The following RAB11FIP4 variants were observed in gnomAD, a reference collection of about 807,000 sequenced individuals.
The protein encoded by RAB11FIP4 is RAB11 family interacting protein 4, also known as rab11 family-interacting protein 4.
Under a neutral mutation model 74.3 loss-of-function variants are expected in RAB11FIP4, and 23 were observed. The ratio of observed to expected loss-of-function variants is 0.31; its 90% confidence interval spans 0.22 to 0.44. RAB11FIP4 has a LOEUF of 0.44. Among genes scored for constraint, RAB11FIP4 ranks in the 20% least tolerant of loss-of-function variants. RAB11FIP4 has a pLI of 1.00. For synonymous variants in RAB11FIP4, 360 were observed against 359.9 expected (o/e 1.00, Z 0.00); for missense variants, 630 against 863.9 (o/e 0.73, Z 3.39).
At chr17:31,523,449 T>C (rs962434338) in intron 7 of RAB11FIP4, 63 bp from the exon 8 acceptor site, 25 of 1,316,112 alleles carry the variant, frequency 1.9e-5, no homozygotes, top group Non-Finnish European at 2.5e-5. Flanking sequence ...TAGCCAGTAG[T>C]GTGAGTAGGC....
rs2072919866 is a variant in RAB11FIP4, at chr17:31,534,143, T to G, written c.*2411T>G. 1.3e-5 allele frequency: 2 copies of G among 152,180 alleles called. No homozygotes were observed. Among genetic ancestry groups the G allele is most frequent in the Non-Finnish European group, 2.9e-5 (2 of 68,038 alleles). 9.4% of individuals were successfully genotyped at this position (152,180 alleles called of 1,614,324 possible). A position where few individuals can be genotyped will look rare whatever the true frequency, so the allele number is the denominator to read the frequency against. The stretch of plus-strand genomic sequence containing the variant: ...GTCCCAGAGCCTAGGTGGTAGGAGC[T>G]TGATCTTTGTTTCTGCCCTTACCCC... On this transcript the variant is annotated 3_prime_UTR_variant, in exon 15 of 15. Coordinates refer to ENST00000621161, the MANE Select transcript of RAB11FIP4 (RefSeq NM_032932.6).
intron 3 of RAB11FIP4, among the ~76,000 whole-genome samples, chr17:31,462,969 T>A (rs2071647647): frequency 6.6e-6 from 1 of 152,162 alleles, no homozygotes; most frequent in East Asian, 1.9e-4. Context: ...TCCCTCCTGA[T>A]CCTGAGCCTC....
At chr17:31,531,142 GCTGGGCCCCAACCC>G (rs1597989564) in intron 14 of RAB11FIP4, 1 of 162,032 alleles carries the variant, frequency 6.2e-6, no homozygotes, top group African/African-American at 2.4e-5. Flanking sequence ...TCCCAGGTGA[GCTGGGCCCCAACCC>G]CTGGGCAGAG....
chr17:31,461,637 A>T (rs2142717416), intron 3 of RAB11FIP4, among the ~76,000 whole-genome samples: 1 of 151,780 alleles, frequency 6.6e-6, no homozygotes, highest in Middle Eastern at 3.5e-3. Flanking sequence ...ATCACCTGGG[A>T]TCTCAAACTC....
At chr17:31,394,030 T>C (rs1180694972) in intron 1 of RAB11FIP4, among the ~76,000 whole-genome samples, 4 of 152,172 alleles carry the variant, frequency 2.6e-5, no homozygotes, top group Non-Finnish European at 5.9e-5. Flanking sequence ...TCCAGGGATC[T>C]GTTTTAGAAA....
At chr17:31,458,226 G>T (rs952149933) in intron 3 of RAB11FIP4, among the ~76,000 whole-genome samples, 1 of 152,146 alleles carries the variant, frequency 6.6e-6, no homozygotes, top group East Asian at 1.9e-4. Flanking sequence ...GGCTCCTCAG[G>T]TGTCCCAGGC....
In RAB11FIP4 at chr17:31,429,422, G is replaced by A. The variant is rs77790647; in HGVS notation, c.160-2391G>A. On this transcript the variant is annotated intron_variant, in intron 1 of 14. Coordinates refer to ENST00000621161, the MANE Select transcript of RAB11FIP4 (RefSeq NM_032932.6). ...ATCTGCCAGTCTCCAGCATTTCTCA[G>A]CTGCGAGTGCCCTGACTAGCTCACC... 3.4e-3 allele frequency among the ~76,000 whole-genome samples: 516 copies of A among 152,310 alleles called. 6 individuals carry two copies. The highest frequency in any genetic ancestry group is 0.012 in the African/African-American group (491 of 41,564).
Position 31,533,359 on chromosome 17 carries a change from T to C in RAB11FIP4, c.*1627T>C, listed in dbSNP as rs1360349198. The C allele has an allele frequency of 6.6e-6, 1 of 152,392 alleles. No individual in the cohort carries two copies. Among genetic ancestry groups the C allele is most frequent in the South Asian group, 2.1e-4 (1 of 4,830 alleles). 9.4% of individuals were successfully genotyped at this position (152,392 alleles called of 1,614,324 possible). ...GTTGCACTGGTCTGACCCAGGACTTTGGAGCCACCCACACTGGGAAGACTA... is the reference window on the plus strand; with the variant it reads ...GTTGCACTGGTCTGACCCAGGACTTCGGAGCCACCCACACTGGGAAGACTA... On this transcript the variant is annotated 3_prime_UTR_variant, in exon 15 of 15. Transcript: ENST00000621161.
intron 10 of RAB11FIP4, chr17:31,527,287 A>C (rs146426219): frequency 6.6e-6 from 1 of 152,478 alleles, no homozygotes; most frequent in African/African-American, 2.4e-5. Flanking sequence ...CCTACTCTCT[A>C]ATGAATGTTT....
At chr17:31,429,786 G>A (rs531925983) in intron 1 of RAB11FIP4, among the ~76,000 whole-genome samples, 3 of 133,844 alleles carry the variant, frequency 2.2e-5, no homozygotes, top group Non-Finnish European at 3.0e-5. Context: ...CTGAGATTGC[G>A]CCACTGCGCT....
intron 3 of RAB11FIP4, among the ~76,000 whole-genome samples, chr17:31,447,459 T>C (rs984771652): frequency 2.6e-5 from 4 of 152,222 alleles, no homozygotes; most frequent in Non-Finnish European, 5.9e-5. Flanking sequence ...CAAGATCTCA[T>C]CTCAAAAAAT....
intron 5 of RAB11FIP4, 67 bp from the exon 6 acceptor site, chr17:31,521,848 G>T (rs866133613): frequency 1.3e-6 from 2 of 1,595,926 alleles, no homozygotes; most frequent in South Asian, 2.2e-5. Flanking sequence ...AGTCAGCTCA[G>T]CAGGGTGGTG....
rs1273361601 is a variant in RAB11FIP4, at chr17:31,534,657, A to G, written c.*2925A>G. 6.6e-6 allele frequency: 1 copy of G among 152,216 alleles called. No homozygotes were observed. The highest frequency in any genetic ancestry group is 2.4e-5 in the African/African-American group (1 of 41,438). The allele number at this position is 152,216 out of a possible 1,614,324, so 9.4% of individuals were successfully genotyped here. On this transcript the variant is annotated 3_prime_UTR_variant, in exon 15 of 15. Transcript: ENST00000621161. ...TGATTGTTGTGGGTGTAGCCCAGGC[A>G]TGGGATTTTTTAAAGAGCTGCTCAG... is the stretch of plus-strand genomic sequence containing the variant.
intron 3 of RAB11FIP4, among the ~76,000 whole-genome samples, chr17:31,453,670 C>T (rs1379440185): frequency 6.7e-6 from 1 of 150,368 alleles, no homozygotes; most frequent in African/African-American, 2.4e-5. Flanking sequence ...GCTAAAAATA[C>T]AAAAATTAGC....
At chr17:31,450,092 A>C (rs528712983) in intron 3 of RAB11FIP4, among the ~76,000 whole-genome samples, 48 of 152,202 alleles carry the variant, frequency 3.2e-4, no homozygotes, top group Admixed American at 2.4e-3. Context: ...AATGGAACTT[A>C]TCCCTCCTCT....
At chr17:31,496,886 C>G (rs891689812) in intron 3 of RAB11FIP4, among the ~76,000 whole-genome samples, 1 of 152,232 alleles carries the variant, frequency 6.6e-6, no homozygotes, top group Non-Finnish European at 1.5e-5. Flanking sequence ...ATTTGGTATT[C>G]TCTGTACCCT....
At chr17:31,450,183 C>T (rs927675682) in intron 3 of RAB11FIP4, among the ~76,000 whole-genome samples, 4 of 152,048 alleles carry the variant, frequency 2.6e-5, no homozygotes, top group African/African-American at 9.7e-5. Context: ...GTCCTCTGCT[C>T]CATTCACATT....
chr17:31,473,197 C>T (rs74489462), intron 3 of RAB11FIP4, among the ~76,000 whole-genome samples: 2,967 of 152,036 alleles, frequency 0.02, 97 homozygotes, highest in African/African-American at 0.067. Context: ...GCACAAGAGG[C>T]CAGGCAAGGG....
intron 3 of RAB11FIP4, among the ~76,000 whole-genome samples, chr17:31,513,242 G>A (rs2072485457): frequency 6.6e-6 from 1 of 152,188 alleles, no homozygotes; most frequent in South Asian, 2.1e-4. Context: ...TGACCCCCAG[G>A]CCATCTGGAA....
Sources: gnomAD v4.1 joint callset for allele counts (sites outside exome capture counted in the v4.1 genomes callset) on GRCh38, gnomAD v4.1.1 for gene constraint, MANE v1.5 for transcripts, NCBI Gene and HGNC (gene_info 2026-07-23, HGNC 2026-07-21) for gene names.